Variants in CNTN5 observed in about 807,000 individuals in gnomAD.
CNTN5 encodes contactin 5, also known as contactin-5.
CNTN5 carries 77 observed loss-of-function variants against 129.1 expected under a neutral mutation model. The ratio of observed to expected loss-of-function variants is 0.60; its 90% CI spans 0.50 to 0.72. CNTN5 has a LOEUF of 0.72. CNTN5 is among the 30% of genes least tolerant of loss of function. The pLI, the probability that CNTN5 is intolerant of heterozygous loss-of-function variation, is 0.00. For synonymous variants in CNTN5, 509 were observed against 465.6 expected (o/e 1.09, Z -1.20); for missense variants, 1,478 against 1,328.8 (o/e 1.11, Z -1.75).
At chr11:99,390,492 A>G (rs1465425422) in intron 2 of CNTN5, among the ~76,000 whole-genome samples, 1 of 152,204 alleles carries the variant, frequency 6.6e-6, no homozygotes, top group Non-Finnish European at 1.5e-5. Context: ...GATGACATAT[A>G]TAAAGTATCT....
chr11:99,787,776 A>T (rs964791288), intron 3 of CNTN5, among the ~76,000 whole-genome samples: 1 of 152,026 alleles, frequency 6.6e-6, no homozygotes, highest in Non-Finnish European at 1.5e-5. Context: ...TATACATATA[A>T]TTAAGCCATT....
At chr11:99,928,966 G>T (rs1950128319) in intron 7 of CNTN5, among the ~76,000 whole-genome samples, 1 of 152,114 alleles carries the variant, frequency 6.6e-6, no homozygotes, top group Non-Finnish European at 1.5e-5. Context: ...GCTTTTAAGA[G>T]CACCCAAGTC....
chr11:99,293,875 T>C (rs1022542307), intron 1 of CNTN5, among the ~76,000 whole-genome samples: 2 of 152,056 alleles, frequency 1.3e-5, no homozygotes, highest in African/African-American at 4.8e-5. Context: ...TTTTATTCAT[T>C]GATCTTTTGT....
At chr11:99,124,791 C>T (rs756412681) in intron 1 of CNTN5, among the ~76,000 whole-genome samples, 1 of 151,600 alleles carries the variant, frequency 6.6e-6, no homozygotes, top group Admixed American at 6.6e-5. Context: ...ATATTACCAC[C>T]GACCCCAAAT....
chr11:99,771,960 GAAA>G (rs1317926756), intron 3 of CNTN5, among the ~76,000 whole-genome samples: 2 of 149,212 alleles, frequency 1.3e-5, no homozygotes, highest in Non-Finnish European at 3.0e-5. Context: ...GTGTCTGGGA[GAAA>G]AAAAAACCTG....
intron 18 of CNTN5, among the ~76,000 whole-genome samples, chr11:100,287,298 A>T (rs1378795749): frequency 6.6e-6 from 1 of 151,822 alleles, no homozygotes. Flanking sequence ...TCCAAGACAC[A>T]TAATTGTCAG....
At chr11:100,287,857 A>G (rs1051867630) in intron 18 of CNTN5, among the ~76,000 whole-genome samples, 2 of 152,216 alleles carry the variant, frequency 1.3e-5, no homozygotes, top group Non-Finnish European at 2.9e-5. Context: ...TATATTCAGG[A>G]AACCCATCTC....
At chr11:100,085,338 A>G (rs540593596) in intron 13 of CNTN5, among the ~76,000 whole-genome samples, 1 of 152,178 alleles carries the variant, frequency 6.6e-6, no homozygotes, top group South Asian at 2.1e-4. Flanking sequence ...CTTCAATTTA[A>G]AGTAATCAGC....
At chr11:100,216,417 G>C (rs1267434983) in intron 15 of CNTN5, among the ~76,000 whole-genome samples, 1 of 152,012 alleles carries the variant, frequency 6.6e-6, no homozygotes, top group African/African-American at 2.4e-5. Context: ...GAATAAAAAA[G>C]ATATATCAGT....
chr11:99,801,757 A>T (rs576463962), intron 3 of CNTN5, among the ~76,000 whole-genome samples: 3 of 152,170 alleles, frequency 2.0e-5, no homozygotes, highest in Non-Finnish European at 4.4e-5. Context: ...TTCCTTAAGT[A>T]AGTTTCAATT....
intron 1 of CNTN5, among the ~76,000 whole-genome samples, chr11:99,291,448 C>A (rs925529173): frequency 1.3e-5 from 2 of 151,770 alleles, no homozygotes; most frequent in Non-Finnish European, 2.9e-5. Context: ...TAGGAGTTGT[C>A]TTTTCTAACT....
At chr11:100,063,257 C>T (rs955136853) in intron 10 of CNTN5, among the ~76,000 whole-genome samples, 3 of 151,912 alleles carry the variant, frequency 2.0e-5, no homozygotes, top group Non-Finnish European at 4.4e-5. Context: ...TGCTTTCACT[C>T]CTTATTACTG....
At chr11:100,180,064 C>A (rs1948090389) in intron 13 of CNTN5, among the ~76,000 whole-genome samples, 1 of 151,938 alleles carries the variant, frequency 6.6e-6, no homozygotes, top group Non-Finnish European at 1.5e-5. Flanking sequence ...TATACAAGGA[C>A]AACATTATGC....
At chr11:99,133,172 A>G (rs1859033025) in intron 1 of CNTN5, among the ~76,000 whole-genome samples, 1 of 152,188 alleles carries the variant, frequency 6.6e-6, no homozygotes. Flanking sequence ...TCCCTATTCA[A>G]TAAATGGTGC....
At chr11:99,647,067 T>C (rs531360556) in intron 3 of CNTN5, among the ~76,000 whole-genome samples, 1 of 152,280 alleles carries the variant, frequency 6.6e-6, no homozygotes, top group South Asian at 2.1e-4. Context: ...GCTTTTATTG[T>C]CTGTGCTTTT....
chr11:99,023,963 G>A (rs767583135), intron 1 of CNTN5, among the ~76,000 whole-genome samples: 1 of 152,110 alleles, frequency 6.6e-6, no homozygotes, highest in African/African-American at 2.4e-5. Flanking sequence ...GTTAAGAACC[G>A]TGTTGTAAGG....
intron 19 of CNTN5, among the ~76,000 whole-genome samples, 193 bp downstream of exon 19, chr11:100,297,888 T>C (rs1364903520): frequency 1.3e-5 from 2 of 151,556 alleles, no homozygotes; most frequent in Non-Finnish European, 3.0e-5. Context: ...AACAATCTTA[T>C]CAGTTGGAAT....
intron 2 of CNTN5, among the ~76,000 whole-genome samples, chr11:99,430,264 C>T (rs1486855225): frequency 6.6e-6 from 1 of 151,488 alleles, no homozygotes; most frequent in Non-Finnish European, 1.5e-5. Context: ...AAATTAAGCA[C>T]GTGTTTTCTT....
At chr11:99,699,646 C>G (rs1276084823) in intron 3 of CNTN5, among the ~76,000 whole-genome samples, 1 of 151,454 alleles carries the variant, frequency 6.6e-6, no homozygotes, top group Non-Finnish European at 1.5e-5. Flanking sequence ...TAAAATTACT[C>G]ACTTTCTAAG....
Sources: allele counts gnomAD v4.1 joint callset (sites outside exome capture counted in the v4.1 genomes callset), GRCh38; gene constraint gnomAD v4.1.1; transcripts MANE v1.5; gene names NCBI Gene and HGNC (gene_info 2026-07-23, HGNC 2026-07-21).